SCN10A: variants seen among roughly 807,000 people sequenced by gnomAD.
SCN10A encodes sodium voltage-gated channel alpha subunit 10, also known as sodium channel protein type 10 subunit alpha.
A neutral mutation model predicts 170.7 loss-of-function variants in SCN10A; 162 were observed. That is an observed-to-expected ratio of 0.95 (90% CI 0.84 to 1.08). The LOEUF (loss-of-function observed/expected upper bound fraction) is 1.08, where lower values mean the gene tolerates loss of function less well. Ranked by LOEUF, SCN10A falls within the 50% of genes least tolerant of loss-of-function variation. The probability of loss-of-function intolerance (pLI) is 0.00; values close to 1 mark genes in which losing one functional copy is unlikely to be tolerated. For synonymous variants in SCN10A, 985 were observed against 904.6 expected (o/e 1.09, Z -1.59); for missense variants, 2,527 against 2,436.9 (o/e 1.04, Z -0.78).
At chr3:38,769,893 G>A in intron 5 of SCN10A, among the ~76,000 whole-genome samples, 1 of 152,292 alleles carries the variant, frequency 6.6e-6, no homozygotes, top group Non-Finnish European at 1.5e-5. Context: ...ATGCCTGCAA[G>A]AGTCCTGTGA....
At chr3:38,717,194 T>TGGAA (rs1251967577) in intron 21 of SCN10A, among the ~76,000 whole-genome samples, 1 of 151,694 alleles carries the variant, frequency 6.6e-6, no homozygotes, top group African/African-American at 2.4e-5. Flanking sequence ...AATGGATGGA[T>TGGAA]GGAAGGGGAG....
chr3:38,790,825 G>A (rs2064271889), intron 3 of SCN10A, among the ~76,000 whole-genome samples: 1 of 152,116 alleles, frequency 6.6e-6, no homozygotes, highest in Admixed American at 6.6e-5. Context: ...ACTGATGATG[G>A]TATTGACACT....
rs754277304 is a variant in SCN10A, at chr3:38,713,974, C to A, written c.3788G>T (p.Arg1263Leu). 16 of 1,613,544 alleles carry A rather than the reference C, an allele frequency of 9.9e-6. No homozygotes were observed. Among genetic ancestry groups the A allele is most frequent in the African/African-American group, 2.7e-5 (2 of 74,916 alleles). ...RALRPLRALS[R>L]FEGMRVVVDA... is the part of the protein sequence containing the mutation. ...CAGACTTACCCGCATGCCTTCAAAT[C>A]GAGAAAGAGCCCGCAGTGGCCGCAG... Residue 1263 changes from arginine (R) to leucine (L), a missense_variant, in exon 22 of 28, where the codon CGA becomes CTA. Transcript: ENST00000449082.
Position 38,698,014 on chromosome 3 carries a change from G to C in SCN10A, c.5206C>G (p.Leu1736Val). The change falls in exon 28 of 28, where the codon CTG (leucine) becomes GTG (valine). Residue 1736 changes from leucine to valine, a missense_variant. By Grantham distance (32) the Leu-to-Val change is conservative. Transcript: ENST00000449082. Reference protein sequence around the residue: ...NVATEESTEPLSEDDFDMFYE... With the variant: ...NVATEESTEPVSEDDFDMFYE... ...AACATGTCAAAGTCGTCCTCACTCAGGGGCTCAGTGCTCTCCTCCGTGGCC... is the reference window on the plus strand; with the variant it reads ...AACATGTCAAAGTCGTCCTCACTCACGGGCTCAGTGCTCTCCTCCGTGGCC... 1 of 1,614,190 alleles carries C rather than the reference G, an allele frequency of 6.2e-7. No individual in the cohort carries two copies. The highest frequency in any genetic ancestry group is 8.5e-7 in the Non-Finnish European group (1 of 1,180,032).
intron 1 of SCN10A, among the ~76,000 whole-genome samples, chr3:38,808,369 T>TTTTC (rs541345065): frequency 7.6e-4 from 115 of 152,314 alleles, no homozygotes; most frequent in African/African-American, 2.5e-3. Flanking sequence ...ACTGGACAAG[T>TTTTC]TTTCTTTGTT....
At chr3:38,735,038 TG>T (rs545338176) in intron 15 of SCN10A, among the ~76,000 whole-genome samples, 152 of 151,794 alleles carry the variant, frequency 1.0e-3, no homozygotes, top group African/African-American at 3.5e-3. Flanking sequence ...GGCATGGTGG[TG>T]GGTGCCTGTA....
chr3:38,797,887 A>G (rs1321665196), intron 1 of SCN10A, among the ~76,000 whole-genome samples: 2 of 152,216 alleles, frequency 1.3e-5, no homozygotes, highest in Non-Finnish European at 2.9e-5. Context: ...ATTCTGGGCT[A>G]CCATAAATCC....
intron 18 of SCN10A, among the ~76,000 whole-genome samples, 195 bp from the exon 19 acceptor site, chr3:38,723,748 T>A (rs183011735): frequency 7.0e-4 from 107 of 152,326 alleles, no homozygotes; most frequent in African/African-American, 2.3e-3. Flanking sequence ...GATGGAGTGC[T>A]GGCAATGGCC....
chr3:38,781,754 C>G (rs1344856854), intron 4 of SCN10A, among the ~76,000 whole-genome samples: 1 of 152,012 alleles, frequency 6.6e-6, no homozygotes, highest in Admixed American at 6.6e-5. Context: ...GTGTTTGAGC[C>G]TAGTTATAAT....
At chr3:38,742,149 G>A in intron 14 of SCN10A, 142 bp downstream of exon 14, 1 of 645,170 alleles carries the variant, frequency 1.5e-6, no homozygotes, top group Non-Finnish European at 2.8e-6. Flanking sequence ...CATGTCTCCT[G>A]CACTGCTGCT....
chr3:38,772,332 AAAAAAAGAAAAG>A (rs1487278284), intron 4 of SCN10A, among the ~76,000 whole-genome samples: 6 of 151,734 alleles, frequency 4.0e-5, no homozygotes, highest in African/African-American at 7.3e-5. Flanking sequence ...GAAAAAAAAA[AAAAAAAGAAAAG>A]AAAAGAAAAG....
intron 15 of SCN10A, among the ~76,000 whole-genome samples, chr3:38,735,097 G>A (rs1365947998): frequency 6.6e-6 from 1 of 150,678 alleles, no homozygotes; most frequent in Non-Finnish European, 1.5e-5. Context: ...GTGAACCCGG[G>A]AGGTGGAGCT....
Position 38,753,322 on chromosome 3 carries a change from C to T in SCN10A, c.1462-810G>A, listed in dbSNP as rs2063769204. 3.9e-5 allele frequency among the ~76,000 whole-genome samples: 6 copies of T among 152,140 alleles called. No homozygotes were observed. The South Asian group carries it at 1.2e-3, about 32-fold the overall frequency. ...ATAGTGAAACTTGACCATAATAAACCATCATTTGTGTCCTCAGGTGGTCTA... is the reference window on the plus strand; with the variant it reads ...ATAGTGAAACTTGACCATAATAAACTATCATTTGTGTCCTCAGGTGGTCTA... On this transcript the variant is annotated intron_variant, in intron 11 of 27. Coordinates refer to ENST00000449082, the MANE Select transcript of SCN10A (RefSeq NM_006514.4).
chr3:38,701,123 A>C (rs1036906191), intron 27 of SCN10A, among the ~76,000 whole-genome samples: 2 of 152,208 alleles, frequency 1.3e-5, no homozygotes, highest in Non-Finnish European at 2.9e-5. Context: ...CATGGAGCCC[A>C]GCTCAGTGCT....
chr3:38,715,733 G>T lies in SCN10A; in HGVS notation c.3682-1653C>A, dbSNP rs544845391. Among the ~76,000 whole-genome samples, 8 of 152,294 alleles carry T rather than the reference G, an allele frequency of 5.3e-5. No homozygotes were observed. In the South Asian group the frequency reaches 1.5e-3, roughly 28 times the overall value. On this transcript the variant is annotated intron_variant, in intron 21 of 27. Coordinates refer to ENST00000449082, the MANE Select transcript of SCN10A (RefSeq NM_006514.4). ...AAGGCTCATGTCTCTGTGTCTCCAA[G>T]ATACTAATTGCCCCCAGCAGTGCTC...
At chr3:38,718,540 T>G in intron 21 of SCN10A, 113 bp downstream of exon 21, 2 of 1,098,824 alleles carry the variant, frequency 1.8e-6, no homozygotes, top group Non-Finnish European at 2.7e-6. Context: ...GCTCAAAACT[T>G]TTCTTTGGAG....
chr3:38,781,300 C>T (rs930128133), intron 4 of SCN10A, among the ~76,000 whole-genome samples: 4 of 152,034 alleles, frequency 2.6e-5, no homozygotes, highest in East Asian at 3.9e-4. Flanking sequence ...GGTCTGCTGC[C>T]GGTCTGATCT....
intron 19 of SCN10A, 34 bp from the exon 20 acceptor site, chr3:38,722,446 C>A: frequency 6.2e-7 from 1 of 1,605,132 alleles, no homozygotes; most frequent in Admixed American, 1.7e-5. Flanking sequence ...TGGGTGATGG[C>A]CAGTGGGCAA....
intron 15 of SCN10A, among the ~76,000 whole-genome samples, chr3:38,738,910 A>G (rs923787364): frequency 2.6e-5 from 4 of 152,174 alleles, no homozygotes; most frequent in Non-Finnish European, 5.9e-5. Flanking sequence ...GGCAGGTTGA[A>G]GGTGCTTGAG....
Sources: allele counts gnomAD v4.1 joint callset (sites outside exome capture counted in the v4.1 genomes callset), GRCh38; gene constraint gnomAD v4.1.1; transcripts MANE v1.5; gene names NCBI Gene and HGNC (gene_info 2026-07-23, HGNC 2026-07-21).